The following TBX10 variants were observed in gnomAD, a reference collection of about 807,000 sequenced individuals.
TBX10 encodes T-box transcription factor TBX10.
TBX10 carries 26 observed loss-of-function variants against 32.4 expected under a neutral mutation model. That is an observed-to-expected ratio of 0.80 (90% CI 0.59 to 1.11). The LOEUF (loss-of-function observed/expected upper bound fraction) is 1.11, where lower values mean the gene tolerates loss of function less well. Ranked by LOEUF, TBX10 falls within the 50% of genes most tolerant of loss-of-function variation. The pLI is 0.00. For missense variants in TBX10, 490 were observed against 494.5 expected, an observed-to-expected ratio of 0.99 and a Z score of 0.09; for synonymous variants, 195 against 203.1, an observed-to-expected ratio of 0.96 and a Z score of 0.34.
intron 4 of TBX10, among the ~76,000 whole-genome samples, chr11:67,633,883 A>T (rs1027112467): frequency 6.6e-6 from 1 of 152,186 alleles, no homozygotes; most frequent in Non-Finnish European, 1.5e-5. Context: ...CCAAGTGTTA[A>T]TGATGCTGTG....
upstream of TBX10, among the ~76,000 whole-genome samples, chr11:67,640,782 G>T (rs1855393970): frequency 6.6e-6 from 1 of 152,196 alleles, no homozygotes; most frequent in African/African-American, 2.4e-5. Context: ...GCATGGAGGG[G>T]CTGGGGGGCG....
chr11:67,637,731 A>AT (rs150615858), intron 1 of TBX10, among the ~76,000 whole-genome samples: 87 of 150,952 alleles, frequency 5.8e-4, no homozygotes, highest in African/African-American at 1.9e-3. Flanking sequence ...AAATATATTG[A>AT]TTTTTTTTTA....
Position 67,631,382 on chromosome 11 carries a change from A to C in TBX10, c.*223T>G. 1 of 608,146 alleles carries C rather than the reference A, an allele frequency of 1.6e-6. No individual in the cohort carries two copies. Among genetic ancestry groups the C allele is most frequent in the East Asian group, 2.8e-5 (1 of 35,646 alleles). The allele number at this position is 608,146 out of a possible 1,614,324, so 37.7% of individuals were successfully genotyped here. ...GGAGTTACCCCCAAAGCAAGAGGGCACAGTATTCAGGCTGCTGGGGTTGGG... is the reference window on the plus strand; with the variant it reads ...GGAGTTACCCCCAAAGCAAGAGGGCCCAGTATTCAGGCTGCTGGGGTTGGG... On this transcript the variant is annotated 3_prime_UTR_variant, in exon 8 of 8. Coordinates refer to ENST00000335385, the MANE Select transcript of TBX10 (RefSeq NM_005995.5).
chr11:67,639,510 G>A lies in TBX10; in HGVS notation c.-38C>T, dbSNP rs1286061160. On this transcript the variant is annotated 5_prime_UTR_variant, in exon 1 of 8. Coordinates refer to ENST00000335385, the MANE Select transcript of TBX10 (RefSeq NM_005995.5). ...GCTGTCCGGCTCCTGGAGAAACACT[G>A]CTTGGCTGGGGCTGGGAACCTGCCT... 1 of 1,600,338 alleles carries A rather than the reference G, an allele frequency of 6.2e-7. No individual in the cohort carries two copies. The highest frequency in any genetic ancestry group is 1.7e-5 in the Admixed American group (1 of 59,270).
intron 1 of TBX10, 139 bp from the exon 2 acceptor site, chr11:67,635,402 G>A: frequency 8.0e-7 from 1 of 1,247,574 alleles, no homozygotes; most frequent in Non-Finnish European, 1.1e-6. Flanking sequence ...CCCCCACTCA[G>A]CATCACTCTG....
intron 1 of TBX10, among the ~76,000 whole-genome samples, chr11:67,639,239 C>T (rs183373785): frequency 1.1e-3 from 163 of 152,296 alleles, no homozygotes; most frequent in African/African-American, 1.4e-3. Flanking sequence ...CCCAGTGAGG[C>T]GCTCATCTCC....
rs560191306 is a variant in TBX10, at chr11:67,637,118, C to T, written c.8-1855G>A. On this transcript the variant is annotated intron_variant, in intron 1 of 7. Coordinates refer to ENST00000335385, the MANE Select transcript of TBX10 (RefSeq NM_005995.5). ...ATACCATATGATTCTACTCATAGGCCGTACGTGGTGAGGCCAAATCATAGA... is the reference window on the plus strand; with the variant it reads ...ATACCATATGATTCTACTCATAGGCTGTACGTGGTGAGGCCAAATCATAGA... 1.6e-4 allele frequency among the ~76,000 whole-genome samples: 24 copies of T among 152,230 alleles called. No homozygotes were observed. The South Asian group carries it at 4.1e-3, about 26-fold the overall frequency.
chr11:67,637,214 A>G (rs925450648), intron 1 of TBX10, among the ~76,000 whole-genome samples: 3 of 152,254 alleles, frequency 2.0e-5, no homozygotes, highest in African/African-American at 7.2e-5. Context: ...TCATAAGGAC[A>G]GAATATCAGT....
chr11:67,640,489 T>C (rs967307561), upstream of TBX10, among the ~76,000 whole-genome samples: 1 of 152,220 alleles, frequency 6.6e-6, no homozygotes, highest in Non-Finnish European at 1.5e-5. Context: ...GCGTCCGCTC[T>C]GCCTGTGGGT....
Position 67,634,871 on chromosome 11 carries a change from G to C in TBX10, c.322C>G (p.Leu108Val). Residue 108 changes from leucine to valine, a missense_variant, in exon 3 of 8, where the codon CTG becomes GTG. Physicochemically the swap from Leu to Val is conservative, Grantham distance 32. Around this residue, in one of 3 missense-constraint regions of TBX10, gnomAD observed 307 missense variants for 294.9 expected, o/e 1.04. Coordinates refer to ENST00000335385, the MANE Select transcript of TBX10 (RefSeq NM_005995.5). ...FQVKILGMDS[L>V]ADYALLMDFI... ...TCCATGAGCAGGGCGTAGTCGGCCA[G>C]GGAGTCCATGCCCAGGATCTTCACC... 6.2e-7 allele frequency: 1 copy of C among 1,613,508 alleles called. No homozygotes were observed. Among genetic ancestry groups the C allele is most frequent in the Non-Finnish European group, 8.5e-7 (1 of 1,180,032 alleles).
chr11:67,633,670 G>A (rs555615289), intron 4 of TBX10, among the ~76,000 whole-genome samples: 4 of 152,342 alleles, frequency 2.6e-5, no homozygotes, highest in Admixed American at 6.5e-5. Flanking sequence ...ACGGGCATGG[G>A]CCGCTGCATC....
chr11:67,634,407 G>A (rs368290332), intron 3 of TBX10, 47 bp from the exon 4 acceptor site: 145 of 1,595,654 alleles, frequency 9.1e-5, no homozygotes, highest in Non-Finnish European at 1.1e-4. Context: ...CCAGAGTCAC[G>A]CCTGAACAAT....
At chr11:67,637,223 G>C (rs1414576259) in intron 1 of TBX10, among the ~76,000 whole-genome samples, 1 of 152,214 alleles carries the variant, frequency 6.6e-6, no homozygotes, top group Non-Finnish European at 1.5e-5. Context: ...CAGAATATCA[G>C]TTCTGCAAGA....
chr11:67,638,996 C>T (rs1238069083), intron 1 of TBX10, among the ~76,000 whole-genome samples: 2 of 152,190 alleles, frequency 1.3e-5, no homozygotes, highest in East Asian at 1.9e-4. Context: ...GGGGCTCACC[C>T]GCTGCCCGTC....
At chr11:67,633,479 G>A (rs754582324) in intron 4 of TBX10, among the ~76,000 whole-genome samples, 8 of 152,000 alleles carry the variant, frequency 5.3e-5, no homozygotes, top group African/African-American at 9.7e-5. Context: ...GCTCCTAACC[G>A]TCCAGCGACT....
Position 67,631,658 on chromosome 11 carries a change from C to A in TBX10, c.1105G>T (p.Gly369Trp), listed in dbSNP as rs768875858. The A allele has an allele frequency of 6.2e-7, 1 of 1,606,444 alleles. No homozygotes were observed. The highest frequency in any genetic ancestry group is 1.1e-5 in the South Asian group (1 of 89,668). The change falls in exon 8 of 8, where the codon GGG becomes TGG. Residue 369 changes from glycine (G) to tryptophan (W), a missense_variant. Gly to Trp is a radical substitution (Grantham distance 184). Around this residue, in one of 3 missense-constraint regions of TBX10, gnomAD observed 177 missense variants for 176.6 expected, o/e 1.00. Transcript: ENST00000335385. Reference protein sequence around the residue: ...QGGLPLPAGLGLLSPTVVCLG... With the variant: ...QGGLPLPAGLWLLSPTVVCLG... ...CACACCACAGTGGGGGACAGGAGCC[C>A]CAGCCCAGCTGGGAGAGGCAGGCCT...
intron 4 of TBX10, among the ~76,000 whole-genome samples, chr11:67,633,651 T>TC (rs1477900699): frequency 1.3e-5 from 2 of 152,206 alleles, no homozygotes; most frequent in Non-Finnish European, 2.9e-5. Context: ...GCACCTACTG[T>TC]CCCCTCTGAC....
At chr11:67,637,234 T>C (rs1157482195) in intron 1 of TBX10, among the ~76,000 whole-genome samples, 2 of 152,238 alleles carry the variant, frequency 1.3e-5, no homozygotes, top group African/African-American at 4.8e-5. Flanking sequence ...TTCTGCAAGA[T>C]GCAAAATGTT....
upstream of TBX10, among the ~76,000 whole-genome samples, chr11:67,641,249 T>G (rs1317948673): frequency 6.6e-6 from 1 of 151,076 alleles, no homozygotes; most frequent in Non-Finnish European, 1.5e-5. Flanking sequence ...TGTGTGCGAT[T>G]TTGATCTGTG....
Sources: gnomAD v4.1 joint callset for allele counts (sites outside exome capture counted in the v4.1 genomes callset) on GRCh38, gnomAD v4.1.1 for gene constraint, gnomAD v4.1.1 regional missense constraint, MANE v1.5 for transcripts, NCBI Gene and HGNC (gene_info 2026-07-23, HGNC 2026-07-21) for gene names.